MDFIC2: variants seen among roughly 807,000 people sequenced by gnomAD.
MDFIC2 encodes the protein MyoD family inhibitor domain containing 2.
At chr3:70,244,158 A>T (rs543293044) in intron 2 of MDFIC2, among the ~76,000 whole-genome samples, 275 of 152,260 alleles carry the variant, frequency 1.8e-3, no homozygotes, top group Middle Eastern at 3.4e-3. Context: ...TTATTTCTTT[A>T]ATCCACTTCA....
chr3:70,266,055 G>T (rs568971780), intron 2 of MDFIC2, among the ~76,000 whole-genome samples: 86 of 152,300 alleles, frequency 5.6e-4, no homozygotes, highest in Middle Eastern at 3.4e-3. Context: ...TCAGAAAAGA[G>T]AATGAGAAAT....
At chr3:70,245,694 T>C (rs900630789) in intron 2 of MDFIC2, among the ~76,000 whole-genome samples, 4 of 137,434 alleles carry the variant, frequency 2.9e-5, no homozygotes. Context: ...TATATATATA[T>C]ATATATATAT....
intron 2 of MDFIC2, among the ~76,000 whole-genome samples, chr3:70,231,780 C>G (rs1046177394): frequency 6.6e-6 from 1 of 152,092 alleles, no homozygotes; most frequent in Non-Finnish European, 1.5e-5. Context: ...CCCCTTGCCC[C>G]TACTAATTAG....
intron 3 of MDFIC2, among the ~76,000 whole-genome samples, chr3:70,204,152 A>T (rs1701268484): frequency 6.6e-6 from 1 of 152,200 alleles, no homozygotes; most frequent in Non-Finnish European, 1.5e-5. Flanking sequence ...AGATATTAGC[A>T]ATTAAGCATC....
intron 2 of MDFIC2, among the ~76,000 whole-genome samples, chr3:70,225,898 A>G (rs1701499822): frequency 6.6e-6 from 1 of 152,192 alleles, no homozygotes; most frequent in South Asian, 2.1e-4. Context: ...CTTAAGAATT[A>G]TGTTATCAAA....
At chr3:70,305,830 A>C (rs1244619671) in intron 2 of MDFIC2, among the ~76,000 whole-genome samples, 2 of 152,214 alleles carry the variant, frequency 1.3e-5, no homozygotes, top group Non-Finnish European at 2.9e-5. Flanking sequence ...TTGAACACAA[A>C]CATGAAAGTT....
chr3:70,215,176 T>G (rs1701394303), intron 2 of MDFIC2, among the ~76,000 whole-genome samples: 1 of 152,174 alleles, frequency 6.6e-6, no homozygotes. Flanking sequence ...ACAACAGTTT[T>G]GCAAAGTATT....
Position 70,311,186 on chromosome 3 carries a change from T to A in MDFIC2, c.88+700A>T, listed in dbSNP as rs141758946. ...AGCTGTCCTTTTACAATATAATAGA[T>A]TCATTAAATGCTGAAAAAGACGCAG... On this transcript the variant is annotated intron_variant, in intron 2 of 3. Coordinates refer to ENST00000567252, the MANE Select transcript of MDFIC2 (RefSeq NM_001364677.1). Among the ~76,000 whole-genome samples, 13 of 152,270 alleles carry A rather than the reference T, an allele frequency of 8.5e-5. No homozygotes were observed. The East Asian group carries it at 1.5e-3, about 18-fold the overall frequency.
intron 2 of MDFIC2, among the ~76,000 whole-genome samples, chr3:70,208,451 G>T (rs538449119): frequency 2.0e-5 from 3 of 152,112 alleles, no homozygotes; most frequent in East Asian, 1.9e-4. Context: ...TAAGGCAATG[G>T]GTTCTAGACT....
intron 2 of MDFIC2, among the ~76,000 whole-genome samples, chr3:70,207,699 T>A (rs2106725495): frequency 6.6e-6 from 1 of 152,184 alleles, no homozygotes; most frequent in African/African-American, 2.4e-5. Flanking sequence ...AACAACCACT[T>A]ACATAGCATT....
chr3:70,262,157 A>G (rs1387425320), intron 2 of MDFIC2, among the ~76,000 whole-genome samples: 1 of 152,190 alleles, frequency 6.6e-6, no homozygotes, highest in Admixed American at 6.5e-5. Context: ...CTCGGTAACA[A>G]TACTTTCAAT....
intron 2 of MDFIC2, among the ~76,000 whole-genome samples, chr3:70,235,935 C>T (rs1389800049): frequency 6.6e-6 from 1 of 152,140 alleles, no homozygotes; most frequent in Non-Finnish European, 1.5e-5. Flanking sequence ...GCAGTCACCA[C>T]GCCATTTTTC....
intron 2 of MDFIC2, chr3:70,302,513 C>CTGT (rs1702359971): frequency 6.6e-6 from 1 of 152,114 alleles, no homozygotes; most frequent in Non-Finnish European, 1.5e-5. Context: ...ACATCAACAG[C>CTGT]TGTTGTGACT....
At chr3:70,309,544 G>T (rs753783824) in intron 2 of MDFIC2, among the ~76,000 whole-genome samples, 20 of 152,092 alleles carry the variant, frequency 1.3e-4, no homozygotes, top group South Asian at 2.1e-4. Context: ...AAGTAACATG[G>T]CACAATCACC....
At chr3:70,293,816 C>T (rs1702264632) in intron 2 of MDFIC2, among the ~76,000 whole-genome samples, 1 of 151,794 alleles carries the variant, frequency 6.6e-6, no homozygotes, top group Admixed American at 6.6e-5. Context: ...ACCTTAGGAA[C>T]CTGGTTATAT....
chr3:70,307,949 C>A (rs768562800), intron 2 of MDFIC2, among the ~76,000 whole-genome samples: 2 of 152,220 alleles, frequency 1.3e-5, no homozygotes, highest in Non-Finnish European at 2.9e-5. Context: ...TGCATCACCT[C>A]CTTCTCTCCA....
At chr3:70,292,799 A>G (rs980099018) in intron 2 of MDFIC2, among the ~76,000 whole-genome samples, 2 of 152,080 alleles carry the variant, frequency 1.3e-5, no homozygotes, top group African/African-American at 2.4e-5. Flanking sequence ...TGGTTACACA[A>G]TGAAATTGCA....
At chr3:70,238,654 G>C (rs1701636408) in intron 2 of MDFIC2, among the ~76,000 whole-genome samples, 1 of 151,912 alleles carries the variant, frequency 6.6e-6, no homozygotes, top group African/African-American at 2.4e-5. Flanking sequence ...CCCCCAAAAG[G>C]GGGCCAAGAA....
intron 3 of MDFIC2, among the ~76,000 whole-genome samples, chr3:70,202,934 G>A (rs1453919352): frequency 6.6e-6 from 1 of 152,056 alleles, no homozygotes; most frequent in East Asian, 1.9e-4. Flanking sequence ...TTTGAGGGGA[G>A]CCTCATGGCT....
Sources: gnomAD v4.1 joint callset for allele counts (sites outside exome capture counted in the v4.1 genomes callset) on GRCh38, gnomAD v4.1.1 for gene constraint, MANE v1.5 for transcripts, NCBI Gene and HGNC (gene_info 2026-07-23, HGNC 2026-07-21) for gene names.